HSP90B1: variants seen among roughly 807,000 people sequenced by gnomAD.
HSP90B1 encodes the protein endoplasmin.
HSP90B1 carries 27 observed loss-of-function variants against 100.4 expected under a neutral mutation model. The ratio of observed to expected loss-of-function variants is 0.27; its 90% confidence interval spans 0.20 to 0.37. The LOEUF is 0.37. HSP90B1 is among the 10% of genes least tolerant of loss of function. The probability of loss-of-function intolerance (pLI) is 1.00; values close to 1 mark genes in which losing one functional copy is unlikely to be tolerated. For synonymous variants in HSP90B1, 304 were observed against 330.8 expected (o/e 0.92, Z 0.88); for missense variants, 678 against 960.5 (o/e 0.71, Z 3.89).
chr12:103,930,533 G>A lies in HSP90B1; in HGVS notation c.18G>A (p.Val6=), dbSNP rs1185257812. MRALW[V]LGLCCVLLTF... The stretch of plus-strand genomic sequence containing the variant: ...CGCACGCCATGAGGGCCCTGTGGGT[G>A]CTGGGCCTCTGCTGCGTCCTGCTGA... The change falls in exon 1 of 18, where the codon GTG becomes GTA. Residue 6 remains valine, a synonymous_variant. Coordinates refer to ENST00000299767, the MANE Select transcript of HSP90B1 (RefSeq NM_003299.3). The surrounding 1 kb of genome is among the most constrained non-coding windows in gnomAD (Gnocchi z 4.4). The A allele has an allele frequency of 4.3e-6, 7 of 1,611,170 alleles. No homozygotes were observed. Among genetic ancestry groups the A allele is most frequent in the African/African-American group, 2.7e-5 (2 of 74,768 alleles).
intron 7 of HSP90B1, among the ~76,000 whole-genome samples, chr12:103,939,249 G>GCCACCAACAGACACACA (rs1436455341): frequency 2.6e-5 from 4 of 151,958 alleles, no homozygotes; most frequent in South Asian, 2.1e-4. Flanking sequence ...ACAGACACAC[G>GCCACCAACAGACACACA]CCACCATGAC....
At position 103,946,932 on chromosome 12, in the gene HSP90B1, T is replaced by G. The variant is rs777596873; in HGVS notation, c.2253T>G (p.Pro751=). The stretch of plus-strand genomic sequence containing the variant: ...TTCGCCTCAGTTTGAACATTGACCC[T>G]GATGCAAAGGTTTGTATCCCCAACC... ...RMLRLSLNID[P]DAKVEEEPEE... The change falls in exon 16 of 18, where the codon CCT becomes CCG. Residue 751 remains proline (P), a synonymous_variant. Transcript: ENST00000299767. 2 of 1,612,386 alleles carry G rather than the reference T, an allele frequency of 1.2e-6. No homozygotes were observed. Among genetic ancestry groups the G allele is most frequent in the Admixed American group, 1.7e-5 (1 of 59,558 alleles).
Position 103,941,720 on chromosome 12 carries a change from G to A in HSP90B1, c.1308+14G>A. On this transcript the variant is annotated intron_variant, in intron 10 of 17. Coordinates refer to ENST00000299767, the MANE Select transcript of HSP90B1 (RefSeq NM_003299.3). The stretch of plus-strand genomic sequence containing the variant: ...GTCAAGGGTGTGGTAAGTATCTGAA[G>A]TTTGGGAGAAGGGGTGATTGTTGTG... 6.2e-7 allele frequency: 1 copy of A among 1,612,768 alleles called. No individual in the cohort carries two copies. The highest frequency in any genetic ancestry group is 8.5e-7 in the Non-Finnish European group (1 of 1,178,782).
At chr12:103,939,248 C>CGCCACCAACAGACACAT (rs1260549462) in intron 7 of HSP90B1, among the ~76,000 whole-genome samples, 3 of 151,894 alleles carry the variant, frequency 2.0e-5, no homozygotes, top group African/African-American at 4.8e-5. Context: ...CACAGACACA[C>CGCCACCAACAGACACAT]GCCACCATGA....
intron 8 of HSP90B1, 22 bp from the exon 9 acceptor site, chr12:103,941,388 C>G (rs1309523268): frequency 1.2e-6 from 2 of 1,610,054 alleles, no homozygotes; most frequent in South Asian, 1.1e-5. Flanking sequence ...GTTTGAATGA[C>G]TAAGATACCA....
At chr12:103,931,352 T>C (rs369957799) in intron 1 of HSP90B1, among the ~76,000 whole-genome samples, 169 bp from the exon 2 acceptor site, 2 of 152,320 alleles carry the variant, frequency 1.3e-5, no homozygotes, top group East Asian at 3.9e-4. Flanking sequence ...TGAACTTAAA[T>C]AGATGTTCTG....
chr12:103,934,813 T>A (rs1211220437), intron 5 of HSP90B1, among the ~76,000 whole-genome samples: 2 of 152,228 alleles, frequency 1.3e-5, no homozygotes, highest in African/African-American at 4.8e-5. Flanking sequence ...GCAATTCTCC[T>A]GCCTCAGCCT....
rs1177184303 is a variant in HSP90B1 at position 103,934,166 on chromosome 12, A to G, written c.622A>G (p.Lys208Glu). Residue 208 changes from lysine (K) to glutamate (E), a missense_variant, in exon 5 of 18, where the codon AAG becomes GAG. Physicochemically the swap from Lys to Glu is moderately conservative, Grantham distance 56 (BLOSUM62 1). Transcript: ENST00000299767. ...CTATTCCGCCTTCCTTGTAGCAGATAAGGTTATTGTCACTTCAAAACACAA... is the reference window on the plus strand; with the variant it reads ...CTATTCCGCCTTCCTTGTAGCAGATGAGGTTATTGTCACTTCAAAACACAA... ...GFYSAFLVAD[K>E]VIVTSKHNND... The G allele has an allele frequency of 6.2e-6, 10 of 1,614,106 alleles. No homozygotes were observed. The highest frequency in any genetic ancestry group is 7.6e-6 in the Non-Finnish European group (9 of 1,180,038).
In HSP90B1 at chr12:103,942,666, G is replaced by A. The variant is rs964195316; in HGVS notation, c.1514G>A (p.Arg505His). Residue 505 changes from arginine to histidine, a missense_variant, in exon 12 of 18, where the codon CGT becomes CAT. Physicochemically the swap from Arg to His is conservative, Grantham distance 29. Around this residue, in one of 8 missense-constraint regions of HSP90B1, gnomAD observed 170 missense variants for 236.7 expected, o/e 0.72. Coordinates refer to ENST00000299767, the MANE Select transcript of HSP90B1 (RefSeq NM_003299.3). ...GVIEDHSNRT[R>H]LAKLLRFQSS... ...ATTGAAGACCACTCGAATCGAACAC[G>A]TCTTGCTAAACTTCTTAGGTTCCAG... 5 of 1,613,960 alleles carry A rather than the reference G, an allele frequency of 3.1e-6. No homozygotes were observed. The highest frequency in any genetic ancestry group is 3.4e-6 in the Non-Finnish European group (4 of 1,179,876).
At chr12:103,945,350 G>C (rs1433341364) in intron 14 of HSP90B1, among the ~76,000 whole-genome samples, 3 of 152,144 alleles carry the variant, frequency 2.0e-5, no homozygotes, top group African/African-American at 7.2e-5. Flanking sequence ...CATAATCCGA[G>C]CCCTACATAG....
intron 8 of HSP90B1, among the ~76,000 whole-genome samples, chr12:103,940,468 G>A (rs1017824366): frequency 6.6e-6 from 1 of 151,960 alleles, no homozygotes; most frequent in Non-Finnish European, 1.5e-5. Context: ...TGCTCTAGTG[G>A]ACTTAACCAT....
chr12:103,942,022 C>G (rs1209066210), intron 11 of HSP90B1, 125 bp downstream of exon 11: 33 of 700,858 alleles, frequency 4.7e-5, no homozygotes, highest in Admixed American at 3.8e-4. Flanking sequence ...AATTTCCTTT[C>G]TTTCTGGAGT....
rs1870069666 is a variant in HSP90B1, at chr12:103,941,291, A to G, written c.1093-119A>G. ...TCTCTTCCCCACCTCCCGCCAGTAA[A>G]GGAAAATTTTTTGTTAGTTAATTGC... On this transcript the variant is annotated intron_variant, in intron 8 of 17. Coordinates refer to ENST00000299767, the MANE Select transcript of HSP90B1 (RefSeq NM_003299.3). The G allele has an allele frequency of 8.1e-6, 8 of 991,788 alleles. No homozygotes were observed. The East Asian group carries it at 1.8e-4, about 22-fold the overall frequency. The allele number at this position is 991,788 out of a possible 1,614,324, so 61.4% of individuals were successfully genotyped here.
chr12:103,939,429 A>G lies in HSP90B1; in HGVS notation c.976-80A>G, dbSNP rs889062083. 44 of 641,390 alleles carry G rather than the reference A, an allele frequency of 6.9e-5. No individual in the cohort carries two copies. In the African/African-American group the frequency reaches 8.3e-4, roughly 12 times the overall value. The allele number at this position is 641,390 out of a possible 1,614,324, so 39.7% of individuals were successfully genotyped here. On this transcript the variant is annotated intron_variant, in intron 7 of 17. Transcript: ENST00000299767. ...CTGGGTCTTTACATAGTCTTTTGAA[A>G]TCTACTGAAGCCATGGTTACTGCTA...
rs1870290545 is a variant in HSP90B1, at chr12:103,947,894, T to C, written c.*232T>C. ...TGACTATTCTTGATGTAAAATCTTG[T>C]CATGTGTATAAAAATAAAAAAGATC... is the stretch of plus-strand genomic sequence containing the variant. On this transcript the variant is annotated 3_prime_UTR_variant, in exon 18 of 18. Coordinates refer to ENST00000299767, the MANE Select transcript of HSP90B1 (RefSeq NM_003299.3). The C allele has an allele frequency of 1.9e-6, 1 of 538,048 alleles. No homozygotes were observed. The allele number at this position is 538,048 out of a possible 1,614,324, so 33.3% of individuals were successfully genotyped here.
intron 11 of HSP90B1, 74 bp downstream of exon 11, chr12:103,941,971 G>T (rs930291756): frequency 6.2e-5 from 69 of 1,104,186 alleles, no homozygotes; most frequent in Non-Finnish European, 5.8e-5. Context: ...CATTTGTGGA[G>T]TAAAACCAGA....
intron 14 of HSP90B1, among the ~76,000 whole-genome samples, chr12:103,945,692 C>G (rs1870204365): frequency 6.6e-6 from 1 of 152,152 alleles, no homozygotes; most frequent in South Asian, 2.1e-4. Flanking sequence ...CAGCAGTGCT[C>G]CAGGTACTTG....
chr12:103,936,794 G>A (rs1199470203), intron 5 of HSP90B1, among the ~76,000 whole-genome samples: 1 of 152,054 alleles, frequency 6.6e-6, no homozygotes, highest in Non-Finnish European at 1.5e-5. Context: ...GCTTCTACTT[G>A]CATCCAAAAC....
In HSP90B1 at chr12:103,938,370, G is replaced by A. The variant is rs754659333; in HGVS notation, c.886G>A (p.Glu296Lys). ...AACTGTTGAGGAGCCCATGGAGGAA[G>A]AAGAAGCAGCCAAAGAAGAGAAAGA... ...TETVEEPMEEEEAAKEEKEES... is the reference protein window; with the variant it reads ...TETVEEPMEEKEAAKEEKEES... The change falls in exon 7 of 18, where the codon GAA becomes AAA. Residue 296 changes from glutamate to lysine, a missense_variant. Physicochemically the swap from Glu to Lys is moderately conservative, Grantham distance 56. Transcript: ENST00000299767. 6.4e-7 allele frequency: 1 copy of A among 1,566,110 alleles called. No individual in the cohort carries two copies. The highest frequency in any genetic ancestry group is 8.7e-7 in the Non-Finnish European group (1 of 1,151,424).
Sources: allele counts gnomAD v4.1 joint callset (sites outside exome capture counted in the v4.1 genomes callset), GRCh38; gene constraint gnomAD v4.1.1; regional missense constraint gnomAD v4.1.1; non-coding constraint Gnocchi (gnomAD v3.1); transcripts MANE v1.5; gene names NCBI Gene and HGNC (gene_info 2026-07-23, HGNC 2026-07-21).